Variants in CD5 observed in about 807,000 individuals in gnomAD.
CD5 encodes T-cell surface glycoprotein CD5.
CD5 carries 36 observed loss-of-function variants against 60.3 expected under a neutral mutation model. The observed-to-expected ratio is 0.60, with a 90% CI of 0.46 to 0.79. CD5 has a LOEUF of 0.79. Among genes scored for constraint, CD5 ranks in the 30% least tolerant of loss-of-function variants. The pLI is 0.00. For missense variants in CD5, 540 were observed against 630.6 expected (o/e 0.86, Z 1.54); for synonymous variants, 230 against 257.6 (o/e 0.89, Z 1.03).
Position 61,115,077 on chromosome 11 carries a change from T to C in CD5, c.77T>C (p.Leu26Pro), listed in dbSNP as rs776416360. 16 of 1,558,694 alleles carry C rather than the reference T, an allele frequency of 1.0e-5. No individual in the cohort carries two copies. Among genetic ancestry groups the C allele is most frequent in the Non-Finnish European group, 1.4e-5 (16 of 1,150,596 alleles). ...GCAGTCGCTTCCTGCCTCGGACGGC[T>C]CAGCTGGTATGACCCAGGTAAGGAA... ...GMLVASCLGR[L>P]SWYDPDFQAR... is the part of the protein sequence containing the mutation. Residue 26 changes from leucine (L) to proline (P), a missense_variant, in exon 2 of 11, where the codon CTC becomes CCC. Transcript: ENST00000347785.
At position 61,126,782 on chromosome 11, in the gene CD5, AG is replaced by A. The variant is rs1400510722; in HGVS notation, c.*501del. On this transcript the variant is annotated 3_prime_UTR_variant, in exon 11 of 11. Transcript: ENST00000347785. ...GCGGATCCCTCTGGGGAGGACAGGA[AG>A]GGGACTCCCGGAGACCTCTGCAGCC... 5.9e-5 allele frequency: 9 copies of A among 152,246 alleles called. No homozygotes were observed. Among genetic ancestry groups the A allele is most frequent in the Admixed American group, 2.0e-4 (3 of 15,276 alleles). 9.4% of individuals were successfully genotyped at this position (152,246 alleles called of 1,614,324 possible). A position where few individuals can be genotyped will look rare whatever the true frequency, so the allele number is the denominator to read the frequency against.
chr11:61,101,371 A>ACACATCAACATGGAGATCACACACG (rs1860682189), upstream of CD5, among the ~76,000 whole-genome samples: 1 of 97,048 alleles, frequency 1.0e-5, no homozygotes, highest in Non-Finnish European at 2.1e-5. Flanking sequence ...GATCACACAC[A>ACACATCAACATGGAGATCACACACG]CACATCAACA....
chr11:61,115,051 T>C lies in CD5; in HGVS notation c.56-5T>C. The C allele has an allele frequency of 6.4e-7, 1 of 1,556,254 alleles. No individual in the cohort carries two copies. The highest frequency in any genetic ancestry group is 8.7e-7 in the Non-Finnish European group (1 of 1,149,116). On this transcript the variant is annotated splice_polypyrimidine_tract_variant and splice_region_variant and intron_variant, in intron 1 of 10. Transcript: ENST00000347785. ...CTTCCTGACCCTCCTCTCTTCTTTC[T>C]GCAGTCGCTTCCTGCCTCGGACGGC...
Position 61,123,089 on chromosome 11 carries a change from C to T in CD5, c.1225+57C>T, listed in dbSNP as rs570621363. ...CCACGTGCAGAGACTGGAGGGGCTGCACTAGAGTCCTCCGGAGGAGGGGTC... is the reference window on the plus strand; with the variant it reads ...CCACGTGCAGAGACTGGAGGGGCTGTACTAGAGTCCTCCGGAGGAGGGGTC... On this transcript the variant is annotated intron_variant, in intron 7 of 10. Transcript: ENST00000347785. The T allele has an allele frequency of 2.0e-5, 31 of 1,526,036 alleles. No homozygotes were observed. In the African/African-American group the frequency reaches 3.4e-4, roughly 17 times the overall value. The allele number at this position is 1,526,036 out of a possible 1,614,324, so 94.5% of individuals were successfully genotyped here. A position where few individuals can be genotyped will look rare whatever the true frequency, so the allele number is the denominator to read the frequency against.
In CD5 at chr11:61,126,709, T is replaced by A. The variant is rs899695142; in HGVS notation, c.*424T>A. ...TTTTGTAAGTAGTGCTTTTCCTCCT[T>A]CCTGACAAATCGAGCGCTTTGGCCT... On this transcript the variant is annotated 3_prime_UTR_variant, in exon 11 of 11. Transcript: ENST00000347785. 1 of 152,296 alleles carries A rather than the reference T, an allele frequency of 6.6e-6. No homozygotes were observed. Among genetic ancestry groups the A allele is most frequent in the Non-Finnish European group, 1.5e-5 (1 of 68,106 alleles). 9.4% of individuals were successfully genotyped at this position (152,296 alleles called of 1,614,324 possible). A position where few individuals can be genotyped will look rare whatever the true frequency, so the allele number is the denominator to read the frequency against.
upstream of CD5, chr11:61,102,472 T>A: frequency 1.6e-4 from 39 of 238,036 alleles, no homozygotes; most frequent in East Asian, 6.5e-4. Context: ...CACCCCGCCC[T>A]CTCCCTCTCT....
the CD5 span, among the ~76,000 whole-genome samples, chr11:61,095,865 G>C: frequency 1.3e-5 from 2 of 152,248 alleles, no homozygotes; most frequent in Non-Finnish European, 2.9e-5. Flanking sequence ...AGATAGCCCT[G>C]AGAATCAGCC....
At chr11:61,120,642 C>G (rs144023742) in intron 5 of CD5, among the ~76,000 whole-genome samples, 6 of 152,276 alleles carry the variant, frequency 3.9e-5, no homozygotes, top group African/African-American at 1.4e-4. Context: ...CACTTTTCAG[C>G]AAGGTCCTCA....
chr11:61,121,115 C>T (rs555076704), intron 5 of CD5, among the ~76,000 whole-genome samples: 73 of 152,372 alleles, frequency 4.8e-4, no homozygotes, highest in African/African-American at 1.7e-3. Flanking sequence ...CTGGGCAGCA[C>T]GATCTGTCCC....
At chr11:61,125,889 T>G in intron 10 of CD5, 48 bp downstream of exon 10, 1 of 1,339,808 alleles carries the variant, frequency 7.5e-7, no homozygotes, top group Non-Finnish European at 1.0e-6. Flanking sequence ...TCCCCCACAG[T>G]CCTGGGGGTG....
the CD5 span, among the ~76,000 whole-genome samples, chr11:61,096,916 T>C: frequency 6.6e-6 from 1 of 152,276 alleles, no homozygotes; most frequent in East Asian, 1.9e-4. Context: ...CTCGAAGGAA[T>C]CCAGGTTCCT....
At chr11:61,108,298 G>A (rs1860803905) in intron 1 of CD5, among the ~76,000 whole-genome samples, 1 of 152,184 alleles carries the variant, frequency 6.6e-6, no homozygotes, top group East Asian at 1.9e-4. Context: ...AAACAGCAAA[G>A]GTCATTCTGC....
chr11:61,115,438 G>C (rs865962437), intron 2 of CD5, among the ~76,000 whole-genome samples: 3 of 152,192 alleles, frequency 2.0e-5, no homozygotes, highest in Non-Finnish European at 4.4e-5. Flanking sequence ...ATGCTCCATG[G>C]TCAAAGATGT....
At position 61,127,448 on chromosome 11, in the gene CD5, A is replaced by C. The variant is rs563662778; in HGVS notation, c.*1163A>C. 6.6e-6 allele frequency: 1 copy of C among 152,250 alleles called. No individual in the cohort carries two copies. The highest frequency in any genetic ancestry group is 1.5e-5 in the Non-Finnish European group (1 of 68,034). 9.4% of individuals were successfully genotyped at this position (152,250 alleles called of 1,614,324 possible). Reference sequence around the variant, plus strand: ...AGGCATCAATGGTCCAAGCCGCATAATAAGTCTGGAAGAGCAAAAGGGAGT... The same window carrying C: ...AGGCATCAATGGTCCAAGCCGCATACTAAGTCTGGAAGAGCAAAAGGGAGT... On this transcript the variant is annotated 3_prime_UTR_variant, in exon 11 of 11. Transcript: ENST00000347785.
intron 1 of CD5, among the ~76,000 whole-genome samples, chr11:61,112,769 G>C (rs1180227485): frequency 6.6e-6 from 1 of 152,154 alleles, no homozygotes; most frequent in Non-Finnish European, 1.5e-5. Context: ...GTGACTCCTA[G>C]AGCAACAGCC....
the CD5 span, among the ~76,000 whole-genome samples, chr11:61,096,010 A>G: frequency 6.6e-6 from 1 of 152,358 alleles, no homozygotes; most frequent in South Asian, 2.1e-4. Flanking sequence ...CAGTTACTGG[A>G]AATAGTCAAT....
rs35976546 is a variant in CD5, at chr11:61,127,333, CGG to C, written c.*1049_*1050del. ...AGAGGCCAGGCGCAGCTCACTGCGG[CGG>C]CTCCCTAAGAAGGTGAAGCAACATG... On this transcript the variant is annotated 3_prime_UTR_variant, in exon 11 of 11. Transcript: ENST00000347785. The C allele has an allele frequency of 0.57, 85,768 of 151,612 alleles. 25,043 individuals carry two copies. Among genetic ancestry groups the C allele is most frequent in the East Asian group, 0.99 (5,079 of 5,126 alleles). The allele number at this position is 151,612 out of a possible 1,614,324, so 9.4% of individuals were successfully genotyped here. A position where few individuals can be genotyped will look rare whatever the true frequency, so the allele number is the denominator to read the frequency against.
At chr11:61,103,916 G>A (rs1250180631) in intron 1 of CD5, among the ~76,000 whole-genome samples, 1 of 120,656 alleles carries the variant, frequency 8.3e-6, no homozygotes, top group South Asian at 3.1e-4. Flanking sequence ...TGTGTGTGGG[G>A]GGGGAATGTG....
At chr11:61,123,811 A>AGGCCC in intron 7 of CD5, 73 bp from the exon 8 acceptor site, 1 of 262,112 alleles carries the variant, frequency 3.8e-6, no homozygotes, top group Non-Finnish European at 7.1e-6. Context: ...GCCCAGCCCC[A>AGGCCC]TCCCCACCCC....
Sources: allele counts gnomAD v4.1 joint callset (sites outside exome capture counted in the v4.1 genomes callset), GRCh38; gene constraint gnomAD v4.1.1; transcripts MANE v1.5; gene names NCBI Gene and HGNC (gene_info 2026-07-23, HGNC 2026-07-21).